PKD2: variants seen among roughly 807,000 people sequenced by gnomAD.
PKD2 encodes the protein polycystin-2.
Under a neutral mutation model 105.9 loss-of-function variants are expected in PKD2, and 48 were observed. The ratio of observed to expected loss-of-function variants is 0.45; its 90% CI spans 0.36 to 0.58. The LOEUF (loss-of-function observed/expected upper bound fraction) is 0.58. Among genes scored for constraint, PKD2 ranks in the 20% least tolerant of loss-of-function variants. PKD2 has a pLI of 0.00. For synonymous variants in PKD2, 464 were observed against 481.1 expected (o/e 0.96, Z 0.46); for missense variants, 1,078 against 1,255.3 (o/e 0.86, Z 2.13).
intron 2 of PKD2, among the ~76,000 whole-genome samples, chr4:88,034,934 C>G (rs1727281490): frequency 6.6e-6 from 1 of 152,120 alleles, no homozygotes; most frequent in Admixed American, 6.5e-5. Flanking sequence ...CAGAATGAGA[C>G]AGTACTTGGT....
In PKD2 at chr4:88,076,519, T is replaced by C. The variant is rs1721239828; in HGVS notation, c.*825T>C. Reference sequence around the variant, plus strand: ...ATTTATCTGCATATTCTTTTTCCCATGTGGCTCTACTCATTTGCAACTGAA... The same window carrying C: ...ATTTATCTGCATATTCTTTTTCCCACGTGGCTCTACTCATTTGCAACTGAA... On this transcript the variant is annotated 3_prime_UTR_variant, in exon 15 of 15. Transcript: ENST00000237596. The C allele has an allele frequency of 6.6e-6, 1 of 152,244 alleles. No individual in the cohort carries two copies. Among genetic ancestry groups the C allele is most frequent in the Non-Finnish European group, 1.5e-5 (1 of 68,044 alleles). The allele number at this position is 152,244 out of a possible 1,614,324, so 9.4% of individuals were successfully genotyped here.
chr4:88,071,295 C>T (rs747837444), intron 13 of PKD2, among the ~76,000 whole-genome samples: 137 of 152,066 alleles, frequency 9.0e-4, no homozygotes, highest in Non-Finnish European at 1.4e-3. Context: ...AGTGATCCTC[C>T]CTGCTCAGGC....
chr4:88,075,069 C>A, intron 14 of PKD2, 110 bp downstream of exon 14: 2 of 1,194,714 alleles, frequency 1.7e-6, no homozygotes, highest in Non-Finnish European at 2.4e-6. Context: ...AAAAAATTTA[C>A]GTTTATAGAA....
chr4:88,038,117 G>C (rs940137490), intron 3 of PKD2, 134 bp from the exon 4 acceptor site: 3 of 971,718 alleles, frequency 3.1e-6, no homozygotes, highest in Non-Finnish European at 4.9e-6. Flanking sequence ...AAATCTCTCT[G>C]ACAACAAAAC....
Position 88,038,589 on chromosome 4 carries a change from C to T in PKD2, c.1094+88C>T, listed in dbSNP as rs1387158668. 1.6e-5 allele frequency: 22 copies of T among 1,412,262 alleles called. 1 individual carries two copies. The East Asian group carries it at 4.1e-4, about 26-fold the overall frequency. The allele number at this position is 1,412,262 out of a possible 1,614,324, so 87.5% of individuals were successfully genotyped here. On this transcript the variant is annotated intron_variant, in intron 4 of 14. Coordinates refer to ENST00000237596, the MANE Select transcript of PKD2 (RefSeq NM_000297.4). ...CATTCATTCATTCATTCCCTGACAC[C>T]TTCACCAAGGCAAAAATAAGTTCAG... is the stretch of plus-strand genomic sequence containing the variant.
At chr4:88,065,959 G>T in intron 12 of PKD2, 80 bp downstream of exon 12, 2 of 843,560 alleles carry the variant, frequency 2.4e-6, no homozygotes, top group Non-Finnish European at 4.2e-6. Context: ...GAAGTAGTGG[G>T]TTATTGAGTC....
chr4:88,031,776 G>C lies in PKD2; in HGVS notation c.710-4444G>C, dbSNP rs76741411. Among the ~76,000 whole-genome samples, 913 of 152,164 alleles carry C rather than the reference G, an allele frequency of 6.0e-3. 12 individuals carry two copies. Among genetic ancestry groups the C allele is most frequent in the African/African-American group, 0.021 (857 of 41,510 alleles). ...AACTGTAATTGTAGTTTTGGTAATTGTTTTATTACTAACAGGTATTGCTCT... is the reference window on the plus strand; with the variant it reads ...AACTGTAATTGTAGTTTTGGTAATTCTTTTATTACTAACAGGTATTGCTCT... On this transcript the variant is annotated intron_variant, in intron 2 of 14. Transcript: ENST00000237596.
At chr4:88,020,315 G>C (rs987045665) in intron 2 of PKD2, among the ~76,000 whole-genome samples, 18 of 152,010 alleles carry the variant, frequency 1.2e-4, no homozygotes, top group African/African-American at 1.7e-4. Context: ...CCCTTCTTTT[G>C]GATTTGGATA....
Position 88,008,009 on chromosome 4 carries a change from C to T in PKD2, c.276C>T (p.Pro92=). ...GGCAGGCGTGGAGCCGCGATAACCC[C>T]GGCTTCGAGGCCGAGGAGGAGGAGG... is the stretch of plus-strand genomic sequence containing the variant. ...CSRQAWSRDN[P]GFEAEEEEEE... is the part of the protein sequence containing the mutation. Residue 92 remains proline (P), a synonymous_variant, in exon 1 of 15, where the codon CCC becomes CCT. Coordinates refer to ENST00000237596, the MANE Select transcript of PKD2 (RefSeq NM_000297.4). 6.6e-7 allele frequency: 1 copy of T among 1,519,274 alleles called. No homozygotes were observed. Among genetic ancestry groups the T allele is most frequent in the Non-Finnish European group, 8.8e-7 (1 of 1,138,314 alleles). The allele number at this position is 1,519,274 out of a possible 1,614,324, so 94.1% of individuals were successfully genotyped here. A position where few individuals can be genotyped will look rare whatever the true frequency, so the allele number is the denominator to read the frequency against.
chr4:88,018,598 C>T (rs1726640430), intron 1 of PKD2, among the ~76,000 whole-genome samples: 1 of 152,188 alleles, frequency 6.6e-6, no homozygotes, highest in Non-Finnish European at 1.5e-5. Flanking sequence ...GACTTTACCA[C>T]ACTGTTCATT....
At chr4:88,069,989 C>T (rs1009268011) in intron 13 of PKD2, among the ~76,000 whole-genome samples, 7 of 152,204 alleles carry the variant, frequency 4.6e-5, no homozygotes, top group Non-Finnish European at 7.3e-5. Flanking sequence ...TTTATACCTA[C>T]ACAGTTATCT....
intron 5 of PKD2, among the ~76,000 whole-genome samples, chr4:88,045,181 G>A (rs368863140): frequency 6.6e-6 from 1 of 152,176 alleles, no homozygotes; most frequent in African/African-American, 2.4e-5. Context: ...TAAGTTTCTG[G>A]AAGTGGTTGA....
intron 12 of PKD2, among the ~76,000 whole-genome samples, chr4:88,066,686 C>T (rs987439936): frequency 4.0e-5 from 6 of 151,884 alleles, no homozygotes; most frequent in East Asian, 1.9e-4. Flanking sequence ...AATTAACAGC[C>T]GCCTTCCATT....
At chr4:88,014,686 C>A (rs1211892648) in intron 1 of PKD2, among the ~76,000 whole-genome samples, 1 of 152,186 alleles carries the variant, frequency 6.6e-6, no homozygotes, top group Non-Finnish European at 1.5e-5. Context: ...AAAGAGGATT[C>A]TTTTATGATA....
chr4:88,062,621 T>C (rs533345649), intron 10 of PKD2, among the ~76,000 whole-genome samples: 9 of 152,372 alleles, frequency 5.9e-5, no homozygotes, highest in Non-Finnish European at 1.0e-4. Context: ...GTAACTTCTT[T>C]ATTTGGTTTA....
chr4:88,056,079 C>T lies in PKD2; in HGVS notation c.1717-7C>T, dbSNP rs201267638. 187 of 1,591,330 alleles carry T rather than the reference C, an allele frequency of 1.2e-4. No individual in the cohort carries two copies. Among genetic ancestry groups the T allele is most frequent in the Non-Finnish European group, 1.5e-4 (170 of 1,159,548 alleles). ...ATTCATCTATTGATGTCTTCTCTCT[C>T]TTACAGCTCTTCAAATTCATCAATT... On this transcript the variant is annotated splice_region_variant and splice_polypyrimidine_tract_variant and intron_variant, in intron 7 of 14. Transcript: ENST00000237596.
chr4:88,009,100 G>A (rs557480933), intron 1 of PKD2, among the ~76,000 whole-genome samples: 1 of 152,274 alleles, frequency 6.6e-6, no homozygotes, highest in Admixed American at 6.5e-5. Flanking sequence ...GCTGATAAAT[G>A]TGTCTGAGCC....
In PKD2 at chr4:88,038,455, G is replaced by C; in HGVS notation, c.1048G>C (p.Val350Leu). ...TAAAGAGTGCTATGATGTCTACTCTGTCAGTAGTGAAGATAGGGCTCCCTT... is the reference window on the plus strand; with the variant it reads ...TAAAGAGTGCTATGATGTCTACTCTCTCAGTAGTGAAGATAGGGCTCCCTT... ...EIKECYDVYS[V>L]SSEDRAPFGP... Residue 350 changes from valine (V) to leucine (L), a missense_variant, in exon 4 of 15, where the codon GTC (valine) becomes CTC (leucine). Val to Leu is a conservative substitution (Grantham distance 32). This residue lies in a region of PKD2 where 868 missense variants were observed against 1,067.3 expected (regional missense o/e 0.81). Transcript: ENST00000237596. The C allele has an allele frequency of 2.5e-6, 4 of 1,613,512 alleles. No homozygotes were observed. Among genetic ancestry groups the C allele is most frequent in the Non-Finnish European group, 3.4e-6 (4 of 1,179,428 alleles).
At chr4:88,042,251 G>A (rs372423994) in intron 4 of PKD2, among the ~76,000 whole-genome samples, 2 of 152,174 alleles carry the variant, frequency 1.3e-5, no homozygotes, top group Non-Finnish European at 2.9e-5. Flanking sequence ...GGTGGAAGGC[G>A]AGGAGCAAGT....
Sources: gnomAD v4.1 joint callset for allele counts (sites outside exome capture counted in the v4.1 genomes callset) on GRCh38, gnomAD v4.1.1 for gene constraint, gnomAD v4.1.1 regional missense constraint, MANE v1.5 for transcripts, NCBI Gene and HGNC (gene_info 2026-07-23, HGNC 2026-07-21) for gene names.